The following GOPC variants were observed in gnomAD, a reference collection of about 807,000 sequenced individuals.
GOPC encodes the protein Golgi-associated PDZ and coiled-coil motif-containing protein.
Under a neutral mutation model 51.2 loss-of-function variants are expected in GOPC, and 32 were observed. That is an observed-to-expected ratio of 0.63 (90% CI 0.47 to 0.84). The LOEUF is 0.84. Among genes scored for constraint, GOPC ranks in the 40% least tolerant of loss-of-function variants. GOPC has a pLI of 0.00. For synonymous variants in GOPC, 190 were observed against 205.1 expected (o/e 0.93, Z 0.63); for missense variants, 441 against 555.5 (o/e 0.79, Z 2.07).
At position 117,575,176 on chromosome 6, in the gene GOPC, C is replaced by A. The variant is rs771611650; in HGVS notation, c.650+1G>T. On this transcript the variant is annotated splice_donor_variant, in intron 4 of 8. Transcript: ENST00000368498. LOFTEE classifies it high-confidence loss of function. ...TACAATAATACCCATTTTTTACACACCTTCCTGCCAGTTCCTTATCCAAGT... is the reference window on the plus strand; with the variant it reads ...TACAATAATACCCATTTTTTACACAACTTCCTGCCAGTTCCTTATCCAAGT... 6.3e-7 allele frequency: 1 copy of A among 1,595,976 alleles called. No individual in the cohort carries two copies. The highest frequency in any genetic ancestry group is 1.2e-5 in the South Asian group (1 of 85,962).
At chr6:117,589,108 T>C (rs922475598) in intron 1 of GOPC, among the ~76,000 whole-genome samples, 1 of 152,078 alleles carries the variant, frequency 6.6e-6, no homozygotes, top group Admixed American at 6.5e-5. Flanking sequence ...AGTGTACGAA[T>C]TTGTGTTGGG....
intron 1 of GOPC, among the ~76,000 whole-genome samples, chr6:117,587,770 T>C (rs555783393): frequency 6.6e-5 from 10 of 152,260 alleles, no homozygotes; most frequent in African/African-American, 2.2e-4. Context: ...GAGTAAAATG[T>C]TGGGATTTTA....
chr6:117,591,131 C>A (rs543678106), intron 1 of GOPC, among the ~76,000 whole-genome samples: 1 of 152,168 alleles, frequency 6.6e-6, no homozygotes, highest in African/African-American at 2.4e-5. Flanking sequence ...GGATTACAGG[C>A]GTGAACCACC....
chr6:117,575,561 C>T (rs761935615), intron 3 of GOPC: 1 of 741,702 alleles, frequency 1.3e-6, no homozygotes, highest in East Asian at 2.5e-5. Flanking sequence ...CATGGGTTAC[C>T]CTGATATGGA....
At chr6:117,566,374 G>C (rs1249672003) in intron 8 of GOPC, among the ~76,000 whole-genome samples, 4 of 152,104 alleles carry the variant, frequency 2.6e-5, no homozygotes, top group African/African-American at 9.7e-5. Context: ...CTTAAAATAT[G>C]TCTAAATGAT....
intron 7 of GOPC, among the ~76,000 whole-genome samples, chr6:117,568,026 CAAAAAAA>C (rs779227271): frequency 0.02 from 912 of 46,658 alleles, 5 homozygotes; most frequent in Non-Finnish European, 0.034. Context: ...CCCATCTCTA[CAAAAAAA>C]AAAAAAAAAA....
intron 1 of GOPC, among the ~76,000 whole-genome samples, chr6:117,601,412 G>A (rs550535899): frequency 6.6e-6 from 1 of 152,192 alleles, no homozygotes; most frequent in East Asian, 1.9e-4. Context: ...TTCAATAATT[G>A]CAGGGAGCTC....
At chr6:117,564,729 A>G (rs1031496268) in intron 8 of GOPC, among the ~76,000 whole-genome samples, 3 of 152,202 alleles carry the variant, frequency 2.0e-5, no homozygotes, top group Admixed American at 2.0e-4. Flanking sequence ...AAAGGAAGAG[A>G]CAGGCTTTCT....
At chr6:117,586,785 C>CCTG (rs1371379126) in intron 1 of GOPC, among the ~76,000 whole-genome samples, 5 of 152,132 alleles carry the variant, frequency 3.3e-5, no homozygotes, top group Non-Finnish European at 7.3e-5. Flanking sequence ...TCCTAAGCTA[C>CCTG]CTGACAGACA....
intron 1 of GOPC, among the ~76,000 whole-genome samples, chr6:117,586,883 A>C (rs763799968): frequency 2.5e-4 from 38 of 152,184 alleles, no homozygotes; most frequent in Admixed American, 1.5e-3. Context: ...ATTTTGATCC[A>C]TTCCTTTTCT....
Position 117,567,022 on chromosome 6 carries a change from C to A in GOPC, c.1090G>T (p.Glu364Ter). 6.3e-7 allele frequency: 1 copy of A among 1,583,918 alleles called. No homozygotes were observed. Among genetic ancestry groups the A allele is most frequent in the Non-Finnish European group, 8.5e-7 (1 of 1,170,060 alleles). Reference sequence around the variant, plus strand: ...GGAGCCACATAAACTACTTCAAATTCAATCTCTCCTCTCTAAAACAGGAAA... The same window carrying A: ...GGAGCCACATAAACTACTTCAAATTAAATCTCTCCTCTCTAAAACAGGAAA... ...TILSQQRGEI[E>*]FEVVYVAPEV... is the part of the protein sequence containing the mutation. The change falls in exon 8 of 9, where the codon GAA (glutamate) becomes TAA (stop). Residue 364 changes from glutamate to a stop codon, truncating the protein, a stop_gained. Transcript: ENST00000368498. LOFTEE classifies it high-confidence loss of function.
chr6:117,567,436 CA>C (rs887549758), intron 7 of GOPC, among the ~76,000 whole-genome samples: 4 of 152,176 alleles, frequency 2.6e-5, no homozygotes, highest in Admixed American at 1.3e-4. Flanking sequence ...GGATATCATA[CA>C]AACCTTTCCT....
chr6:117,563,579 G>A (rs977375073), intron 8 of GOPC, among the ~76,000 whole-genome samples, 195 bp from the exon 9 acceptor site: 5 of 151,784 alleles, frequency 3.3e-5, no homozygotes, highest in Admixed American at 1.3e-4. Context: ...AAAATTCGCC[G>A]GGCATGGTGG....
chr6:117,598,698 C>T (rs1230137355), intron 1 of GOPC, among the ~76,000 whole-genome samples: 2 of 152,170 alleles, frequency 1.3e-5, no homozygotes, highest in South Asian at 2.1e-4. Flanking sequence ...AGCCAGAGGT[C>T]AGGCTGTAAT....
At chr6:117,601,743 T>C (rs1772015489) in intron 1 of GOPC, among the ~76,000 whole-genome samples, 1 of 152,206 alleles carries the variant, frequency 6.6e-6, no homozygotes, top group African/African-American at 2.4e-5. Flanking sequence ...ACATGTGCAA[T>C]GGAGGCTGGT....
rs1779625297 is a variant in GOPC, at chr6:117,563,354, T to C, written c.1289A>G (p.His430Arg). 6.2e-7 allele frequency: 1 copy of C among 1,613,604 alleles called. No homozygotes were observed. The highest frequency in any genetic ancestry group is 8.5e-7 in the Non-Finnish European group (1 of 1,179,672). ...TGCAGTGCCCAGGTCTCCATTTTCATGTGTGTCAGTTACTGCCTTCTTATT... is the reference window on the plus strand; with the variant it reads ...TGCAGTGCCCAGGTCTCCATTTTCACGTGTGTCAGTTACTGCCTTCTTATT... ...GFNKKAVTDT[H>R]ENGDLGTASE... is the part of the protein sequence containing the mutation. Residue 430 changes from histidine to arginine, a missense_variant, in exon 9 of 9, where the codon CAT becomes CGT. Coordinates refer to ENST00000368498, the MANE Select transcript of GOPC (RefSeq NM_020399.4).
In GOPC at chr6:117,561,392, C is replaced by T. The variant is rs1779581441; in HGVS notation, c.*1862G>A. 1 of 224,408 alleles carries T rather than the reference C, an allele frequency of 4.5e-6. No homozygotes were observed. 13.9% of individuals were successfully genotyped at this position (224,408 alleles called of 1,614,324 possible). On this transcript the variant is annotated 3_prime_UTR_variant, in exon 9 of 9. Coordinates refer to ENST00000368498, the MANE Select transcript of GOPC (RefSeq NM_020399.4). ...CTCTGAAAAAAATGCCATGGCCATT[C>T]CATCCCAGGCTGTGTTTTAAGAAGA...
chr6:117,595,882 A>G (rs1050825978), intron 1 of GOPC, among the ~76,000 whole-genome samples: 11 of 152,078 alleles, frequency 7.2e-5, no homozygotes, highest in African/African-American at 2.4e-4. Context: ...TATCTTTTTC[A>G]TATAATGACT....
At chr6:117,579,130 T>C in intron 1 of GOPC, 66 bp from the exon 2 acceptor site, 2 of 1,259,386 alleles carry the variant, frequency 1.6e-6, no homozygotes, top group Non-Finnish European at 2.2e-6. Flanking sequence ...TAATAATTGT[T>C]ATTCAAGAAT....
Sources: allele counts gnomAD v4.1 joint callset (sites outside exome capture counted in the v4.1 genomes callset), GRCh38; gene constraint gnomAD v4.1.1; transcripts MANE v1.5; gene names NCBI Gene and HGNC (gene_info 2026-07-23, HGNC 2026-07-21).